The following YARS1 variants were observed in gnomAD, a reference collection of about 807,000 sequenced individuals.
YARS1 encodes the protein tyrosine--tRNA ligase, cytoplasmic.
A neutral mutation model predicts 62.2 loss-of-function variants in YARS1; 36 were observed. That is an observed-to-expected ratio of 0.58 (90% CI 0.44 to 0.76). The LOEUF (loss-of-function observed/expected upper bound fraction) is 0.76. YARS1 is among the 30% of genes least tolerant of loss of function. The pLI is 0.00. For missense variants in YARS1, 524 were observed against 639.8 expected, an observed-to-expected ratio of 0.82 and a Z score of 1.95; for synonymous variants, 234 against 244.9, an observed-to-expected ratio of 0.96 and a Z score of 0.42.
intron 6 of YARS1, 172 bp downstream of exon 6, chr1:32,790,990 C>T (rs1653395695): frequency 1.5e-6 from 1 of 682,086 alleles, no homozygotes; most frequent in Non-Finnish European, 2.6e-6. Flanking sequence ...CTCATCAGGA[C>T]TGCTCTGGAT....
chr1:32,782,281 T>C, intron 9 of YARS1, 123 bp downstream of exon 9: 1 of 1,528,914 alleles, frequency 6.5e-7, no homozygotes, highest in Non-Finnish European at 9.0e-7. Flanking sequence ...CAGTAGGACA[T>C]GACATTCCTG....
intron 11 of YARS1, 55 bp downstream of exon 11, chr1:32,780,030 C>T: frequency 6.2e-7 from 1 of 1,604,480 alleles, no homozygotes; most frequent in East Asian, 2.2e-5. Flanking sequence ...TGGGCTGATT[C>T]CCTACTCTTC....
chr1:32,780,293 C>A lies in YARS1; in HGVS notation c.1141-15G>T. On this transcript the variant is annotated splice_polypyrimidine_tract_variant and intron_variant, in intron 10 of 12. Transcript: ENST00000373477. ...GCATCTGGGTGCTGCCAGGGAGAGA[C>A]GTCAGGAGGAAGAGGATCATCGTCC... The A allele has an allele frequency of 2.5e-6, 4 of 1,613,774 alleles. No homozygotes were observed. The highest frequency in any genetic ancestry group is 1.1e-5 in the South Asian group (1 of 91,074).
At chr1:32,800,769 T>G (rs1638266476) in intron 4 of YARS1, among the ~76,000 whole-genome samples, 1 of 152,106 alleles carries the variant, frequency 6.6e-6, no homozygotes, top group African/African-American at 2.4e-5. Context: ...GAGATGGGGT[T>G]TCACCATGTT....
At position 32,781,140 on chromosome 1, in the gene YARS1, T is replaced by C. The variant is rs1553122785; in HGVS notation, c.1048A>G (p.Met350Val). The change falls in exon 10 of 13, where the codon ATG becomes GTG. Residue 350 changes from methionine to valine, a missense_variant. Met to Val is a conservative substitution (Grantham distance 21, BLOSUM62 1). Transcript: ENST00000373477. ...AYPDPSKQKP[M>V]AKGPAKNSEP... ...GAATTCTTGGCAGGGCCTTTGGCCA[T>C]TGGCTCTGGGAATGAGAAGAACCCC... The C allele has an allele frequency of 5.0e-6, 8 of 1,614,086 alleles. No homozygotes were observed. Among genetic ancestry groups the C allele is most frequent in the Non-Finnish European group, 6.8e-6 (8 of 1,180,004 alleles).
Position 32,787,205 on chromosome 1 carries a change from C to T in YARS1, c.685-130G>A, listed in dbSNP as rs1051241954. 2.3e-5 allele frequency: 25 copies of T among 1,101,074 alleles called. No individual in the cohort carries two copies. In the Admixed American group the frequency reaches 2.7e-4, roughly 12 times the overall value. The allele number at this position is 1,101,074 out of a possible 1,614,324, so 68.2% of individuals were successfully genotyped here. ...AGTGCAGTGGCACAATCATGGCTCA[C>T]TGCAGCCTCAGCCTCCTGGGCTCAA... On this transcript the variant is annotated intron_variant, in intron 6 of 12. Coordinates refer to ENST00000373477, the MANE Select transcript of YARS1 (RefSeq NM_003680.4).
intron 5 of YARS1, among the ~76,000 whole-genome samples, chr1:32,795,566 G>A (rs1653555108): frequency 6.6e-6 from 1 of 151,742 alleles, no homozygotes; most frequent in South Asian, 2.1e-4. Flanking sequence ...TAGCACTATG[G>A]GAGGCCAAGG....
chr1:32,804,890 G>A (rs1638414907), intron 4 of YARS1, among the ~76,000 whole-genome samples: 1 of 152,112 alleles, frequency 6.6e-6, no homozygotes, highest in African/African-American at 2.4e-5. Context: ...GCGGCTGGGA[G>A]GTGGAGGTTG....
intron 5 of YARS1, among the ~76,000 whole-genome samples, chr1:32,795,210 T>C (rs568267119): frequency 6.6e-6 from 1 of 150,806 alleles, no homozygotes; most frequent in East Asian, 2.0e-4. Context: ...TCCCAGCTAC[T>C]TGGGAAGCTG....
At chr1:32,795,188 G>A (rs189056077) in intron 5 of YARS1, among the ~76,000 whole-genome samples, 10 of 150,702 alleles carry the variant, frequency 6.6e-5, no homozygotes, top group South Asian at 4.2e-4. Context: ...GTGTGGTGGC[G>A]GGCGCCTGTA....
intron 11 of YARS1, 166 bp from the exon 12 acceptor site, chr1:32,779,689 A>C: frequency 2.4e-6 from 2 of 850,848 alleles, no homozygotes; most frequent in Non-Finnish European, 3.7e-6. Context: ...CCTGCATATC[A>C]CCAGGGTTAC....
chr1:32,779,594 T>C, intron 11 of YARS1, 71 bp from the exon 12 acceptor site: 1 of 1,606,188 alleles, frequency 6.2e-7, no homozygotes, highest in Non-Finnish European at 8.5e-7. Flanking sequence ...GCCAAAGCAA[T>C]CCGGGCCTTT....
chr1:32,811,583 T>C (rs1281098207), intron 1 of YARS1: 2 of 174,942 alleles, frequency 1.1e-5, no homozygotes, highest in East Asian at 1.5e-4. Context: ...GTTTTACTTC[T>C]GTAAGATTGC....
chr1:32,795,235 C>T lies in YARS1; in HGVS notation c.591+2528G>A, dbSNP rs193090446. Among the ~76,000 whole-genome samples the T allele has an allele frequency of 4.6e-3, 705 of 151,722 alleles. 7 individuals are homozygous for T. Among genetic ancestry groups the T allele is most frequent in the African/African-American group, 0.016 (646 of 41,346 alleles). On this transcript the variant is annotated intron_variant, in intron 5 of 12. Transcript: ENST00000373477. ...TTGGGAAGCTGAGGCAGGAGAATGGCGTGAACCCGGGAGGTGGAGGTTGCA... is the reference window on the plus strand; with the variant it reads ...TTGGGAAGCTGAGGCAGGAGAATGGTGTGAACCCGGGAGGTGGAGGTTGCA...
At chr1:32,779,673 T>C in intron 11 of YARS1, 150 bp from the exon 12 acceptor site, 1 of 979,602 alleles carries the variant, frequency 1.0e-6, no homozygotes, top group Non-Finnish European at 1.6e-6. Context: ...CTTATCTTGC[T>C]ACATCCCTGC....
At chr1:32,810,819 A>C in intron 2 of YARS1, 53 bp from the exon 3 acceptor site, 1 of 1,613,992 alleles carries the variant, frequency 6.2e-7, no homozygotes, top group Non-Finnish European at 8.5e-7. Flanking sequence ...ATTACCTCCA[A>C]CCTGTCTCCT....
chr1:32,814,569 T>C (rs1187699756), intron 1 of YARS1, among the ~76,000 whole-genome samples: 3 of 152,172 alleles, frequency 2.0e-5, no homozygotes, highest in Non-Finnish European at 4.4e-5. Context: ...TTTGTATTTT[T>C]AGTAGAGATG....
chr1:32,807,932 C>A (rs11809784), intron 3 of YARS1, among the ~76,000 whole-genome samples: 3,433 of 152,120 alleles, frequency 0.023, 131 homozygotes, highest in African/African-American at 0.076. Flanking sequence ...GTTTTTGAGA[C>A]AGGATCTTGC....
intron 5 of YARS1, among the ~76,000 whole-genome samples, chr1:32,791,956 C>T (rs1247059566): frequency 2.0e-5 from 3 of 151,962 alleles, no homozygotes; most frequent in Non-Finnish European, 4.4e-5. Context: ...AAAAAGAGAC[C>T]AAGCAGACAG....
Sources: allele counts gnomAD v4.1 joint callset (sites outside exome capture counted in the v4.1 genomes callset), GRCh38; gene constraint gnomAD v4.1.1; transcripts MANE v1.5; gene names NCBI Gene and HGNC (gene_info 2026-07-23, HGNC 2026-07-21).